C1QTNF5: variants seen among roughly 807,000 people sequenced by gnomAD.
The protein encoded by C1QTNF5 is C1q and TNF related 5.
C1QTNF5 carries 5 observed loss-of-function variants against 10.9 expected under a neutral mutation model. The observed-to-expected ratio is 0.46, with a 90% CI of 0.24 to 0.97. The LOEUF is 0.97. Ranked by LOEUF, C1QTNF5 falls within the 50% of genes least tolerant of loss-of-function variation. The pLI is 0.19. For missense variants in C1QTNF5, 281 were observed against 339.4 expected (o/e 0.83, Z 1.35); for synonymous variants, 161 against 156.5 (o/e 1.03, Z -0.22).
upstream of C1QTNF5, chr11:119,344,231 AC>A: frequency 7.7e-7 from 1 of 1,301,518 alleles, no homozygotes; most frequent in Non-Finnish European, 1.1e-6. Context: ...GGTAGTGTCT[AC>A]CATGCCATTC....
upstream of C1QTNF5, chr11:119,341,996 G>T (rs1161483928): frequency 6.2e-7 from 1 of 1,613,192 alleles, no homozygotes; most frequent in Non-Finnish European, 8.5e-7. Context: ...TGCAGGGGTG[G>T]AGGGGAGGGC....
chr11:119,345,007 G>A (rs759013047), upstream of C1QTNF5: 40 of 1,603,012 alleles, frequency 2.5e-5, no homozygotes, highest in Admixed American at 2.4e-4. Context: ...CACAAACCCT[G>A]CAAGAAGCCA....
In C1QTNF5 at chr11:119,340,192, C is replaced by T. The variant is rs1290728815; in HGVS notation, c.206G>A (p.Gly69Glu). The T allele has an allele frequency of 4.0e-6, 6 of 1,515,268 alleles. No homozygotes were observed. In the African/African-American group the frequency reaches 8.7e-5, roughly 22 times the overall value. 93.9% of individuals were successfully genotyped at this position (1,515,268 alleles called of 1,614,324 possible). The change falls in exon 2 of 3, where the codon GGG becomes GAG. Residue 69 changes from glycine to glutamate, a missense_variant. Transcript: ENST00000528368. ...PGAPGEKGEG[G>E]RPGLPGPRGD... ...CGGCGGTGCCTTCTTACCCGGCCTCCCGCCCTCGCCTTTCTCTCCCGGAGC... is the reference window on the plus strand; with the variant it reads ...CGGCGGTGCCTTCTTACCCGGCCTCTCGCCCTCGCCTTTCTCTCCCGGAGC...
upstream of C1QTNF5, chr11:119,345,396 T>C (rs1357029998): frequency 1.2e-6 from 2 of 1,609,316 alleles, no homozygotes; most frequent in East Asian, 2.2e-5. Context: ...CACGGTGGGA[T>C]GTCCTGGGGA....
Position 119,339,823 on chromosome 11 carries a change from G to C in C1QTNF5, c.240C>G (p.Pro80=). Residue 80 remains proline (P), a synonymous_variant, in exon 3 of 3, where the codon CCC becomes CCG. Transcript: ENST00000528368. This position sits in a 1 kb window ranked among gnomAD's most constrained non-coding sequence, Gnocchi z 5.4. ...CGGGTCCCGCCTCTCCTCGCGGCCCGGGGTCCCCTCGAGGTCCCGGCAGTC... is the reference window on the plus strand; with the variant it reads ...CGGGTCCCGCCTCTCCTCGCGGCCCCGGGTCCCCTCGAGGTCCCGGCAGTC... ...RPGLPGPRGD[P]GPRGEAGPAG... is the part of the protein sequence containing the mutation. The C allele has an allele frequency of 6.6e-7, 1 of 1,514,150 alleles. No individual in the cohort carries two copies. Among genetic ancestry groups the C allele is most frequent in the Admixed American group, 2.1e-5 (1 of 47,866 alleles). The allele number at this position is 1,514,150 out of a possible 1,614,324, so 93.8% of individuals were successfully genotyped here. A position where few individuals can be genotyped will look rare whatever the true frequency, so the allele number is the denominator to read the frequency against.
At chr11:119,341,862 A>C (rs1950506256), upstream of C1QTNF5, 1 of 1,612,392 alleles carries the variant, frequency 6.2e-7, no homozygotes, top group African/African-American at 1.3e-5. Context: ...AAGACCTTGT[A>C]ACCGCTGAGG....
upstream of C1QTNF5, chr11:119,345,391 TG>T (rs1308722724): frequency 4.4e-6 from 7 of 1,596,976 alleles, no homozygotes; most frequent in East Asian, 2.2e-5. Context: ...CAGGACACGG[TG>T]GGATGTCCTG....
chr11:119,341,239 AG>A (rs1950499800), upstream of C1QTNF5: 1 of 447,998 alleles, frequency 2.2e-6, no homozygotes, highest in Non-Finnish European at 4.1e-6. Flanking sequence ...AAAGGTCAGA[AG>A]GCAGGCGATG....
In C1QTNF5 at chr11:119,339,442, C is replaced by T. The variant is rs1950473034; in HGVS notation, c.621G>A (p.Val207=). 1 of 1,613,966 alleles carries T rather than the reference C, an allele frequency of 6.2e-7. No individual in the cohort carries two copies. The part of the protein sequence containing the change: ...VRLEPEDQVW[V]QVGVGDYIGI... ...CAATGTAGTCACCCACACCCACCTG[C>T]ACCCACACTTGGTCCTCAGGCTCCA... The change falls in exon 3 of 3, where the codon GTG becomes GTA. Residue 207 remains valine, a synonymous_variant. Coordinates refer to ENST00000528368, the MANE Select transcript of C1QTNF5 (RefSeq NM_001278431.2). This position sits in a 1 kb window ranked among gnomAD's most constrained non-coding sequence, Gnocchi z 5.4.
At chr11:119,342,004 G>A (rs779629407), upstream of C1QTNF5, 1 of 1,612,864 alleles carries the variant, frequency 6.2e-7, no homozygotes, top group Non-Finnish European at 8.5e-7. Context: ...TGGAGGGGAG[G>A]GCCACTGTGG....
chr11:119,346,157 G>A, the C1QTNF5 span: 45 of 1,588,876 alleles, frequency 2.8e-5, no homozygotes, highest in South Asian at 4.5e-4. Flanking sequence ...CGAGGACGCC[G>A]ACCTGCGGGT....
chr11:119,340,466 G>T, intron 1 of C1QTNF5, 26 bp from the exon 2 acceptor site: 3 of 1,481,220 alleles, frequency 2.0e-6, no homozygotes, highest in Non-Finnish European at 2.7e-6. Context: ...GACTGGAGTC[G>T]GGACCCAGAA....
chr11:119,342,503 G>A (rs1038604560), upstream of C1QTNF5: 78 of 1,525,322 alleles, frequency 5.1e-5, no homozygotes, highest in Non-Finnish European at 6.4e-5. Flanking sequence ...GCCCCCTCAG[G>A]GAGGTTGGGA....
At chr11:119,343,944 C>G (rs760718997), upstream of C1QTNF5, 2 of 1,613,192 alleles carry the variant, frequency 1.2e-6, no homozygotes, top group South Asian at 2.2e-5. Context: ...CGGCAGGCAC[C>G]GAGATATGCC....
upstream of C1QTNF5, chr11:119,342,531 C>T (rs1030164798): frequency 1.8e-5 from 28 of 1,594,866 alleles, no homozygotes; most frequent in South Asian, 5.6e-5. Flanking sequence ...CTGTGCAGTA[C>T]GGCAGTAGGG....
upstream of C1QTNF5, chr11:119,342,447 T>C: frequency 1.0e-6 from 1 of 986,290 alleles, no homozygotes; most frequent in South Asian, 1.6e-5. Flanking sequence ...CTTCCAGGAC[T>C]CTGTGAAGTG....
At chr11:119,345,293 G>A, upstream of C1QTNF5, 1 of 982,296 alleles carries the variant, frequency 1.0e-6, no homozygotes, top group East Asian at 2.6e-5. Flanking sequence ...TGGTGGCAGA[G>A]CTGGGCCCAG....
At chr11:119,344,796 T>G, upstream of C1QTNF5, 1 of 1,613,678 alleles carries the variant, frequency 6.2e-7, no homozygotes, top group Non-Finnish European at 8.5e-7. Flanking sequence ...GCCCGGAGTC[T>G]CCACCCCTTT....
At chr11:119,342,798 C>T (rs891121482), upstream of C1QTNF5, 1 of 1,613,140 alleles carries the variant, frequency 6.2e-7, no homozygotes. Context: ...AGTGTCCTGA[C>T]CAGGGTCCAG....
Sources: allele counts gnomAD v4.1 joint callset, GRCh38; gene constraint gnomAD v4.1.1; non-coding constraint Gnocchi (gnomAD v3.1); transcripts MANE v1.5; gene names NCBI Gene and HGNC (gene_info 2026-07-23, HGNC 2026-07-21).